The following KMT2C variants were observed in gnomAD, a reference collection of about 807,000 sequenced individuals.
The protein encoded by KMT2C is lysine methyltransferase 2C.
In KMT2C, 88 loss-of-function variants were observed where a neutral mutation model predicts 507.9. The observed-to-expected ratio is 0.17, with a 90% CI of 0.15 to 0.21. KMT2C has a LOEUF of 0.21. Among genes scored for constraint, KMT2C ranks in the 10% least tolerant of loss-of-function variants. The pLI, the probability that KMT2C is intolerant of heterozygous loss-of-function variation, is 1.00. For synonymous variants in KMT2C, 2,049 were observed against 2,080.8 expected (o/e 0.98, Z 0.42); for missense variants, 4,954 against 5,957.8 (o/e 0.83, Z 5.55).
intron 42 of KMT2C, 47 bp from the exon 43 acceptor site, chr7:152,163,873 A>G (rs1385079259): frequency 6.4e-7 from 1 of 1,560,570 alleles, no homozygotes; most frequent in Non-Finnish European, 8.8e-7. Flanking sequence ...CAGCATAGGT[A>G]CTGAAGTAAA....
chr7:152,239,934 C>T (rs1231038140), intron 14 of KMT2C, among the ~76,000 whole-genome samples: 1 of 149,030 alleles, frequency 6.7e-6, no homozygotes, highest in Non-Finnish European at 1.5e-5. Flanking sequence ...AAGAATGTGA[C>T]TACTCTTGGG....
At chr7:152,410,873 A>C in intron 1 of KMT2C, among the ~76,000 whole-genome samples, 1 of 151,774 alleles carries the variant, frequency 6.6e-6, no homozygotes, top group Non-Finnish European at 1.5e-5. Flanking sequence ...TGGTGATGGC[A>C]CATCCCCACG....
intron 43 of KMT2C, among the ~76,000 whole-genome samples, chr7:152,160,262 G>C (rs1021923524): frequency 1.3e-5 from 2 of 152,116 alleles, no homozygotes; most frequent in African/African-American, 4.8e-5. Flanking sequence ...TAGTTCTGTG[G>C]CTCTCAAGGG....
At chr7:152,339,689 T>C (rs2096972281) in intron 2 of KMT2C, among the ~76,000 whole-genome samples, 1 of 152,138 alleles carries the variant, frequency 6.6e-6, no homozygotes, top group Non-Finnish European at 1.5e-5. Flanking sequence ...TATGTGCCAT[T>C]CACAGGAGAC....
chr7:152,314,793 CTGTTT>C (rs1402916180), intron 4 of KMT2C, among the ~76,000 whole-genome samples: 1 of 152,108 alleles, frequency 6.6e-6, no homozygotes, highest in Admixed American at 6.6e-5. Flanking sequence ...CTTTATTGAT[CTGTTT>C]TATTATTACA....
intron 43 of KMT2C, among the ~76,000 whole-genome samples, chr7:152,161,461 G>A (rs2092450882): frequency 1.3e-5 from 2 of 152,078 alleles, no homozygotes; most frequent in Non-Finnish European, 2.9e-5. Context: ...CAATTCCCAT[G>A]ACTCAAACTC....
intron 2 of KMT2C, among the ~76,000 whole-genome samples, chr7:152,352,339 CAATTTT>C (rs1212107027): frequency 6.6e-6 from 1 of 152,166 alleles, no homozygotes; most frequent in African/African-American, 2.4e-5. Flanking sequence ...ACTTCATTAC[CAATTTT>C]AATTTCGCCC....
intron 1 of KMT2C, among the ~76,000 whole-genome samples, chr7:152,388,750 C>CTT (rs35457701): frequency 0.012 from 1,795 of 148,062 alleles, 1 homozygote; most frequent in Non-Finnish European, 0.016. Context: ...ACTACTTAGA[C>CTT]TTTTTTTTTT....
At position 152,194,258 on chromosome 7, in the gene KMT2C, G is replaced by T. The variant is rs2129129088; in HGVS notation, c.4511C>A (p.Ala1504Glu). Residue 1504 changes from alanine to glutamate, a missense_variant, in exon 30 of 59, where the codon GCA (alanine) becomes GAA (glutamate). Around this residue, in one of 29 missense-constraint regions of KMT2C, gnomAD observed 195 missense variants for 183.7 expected, o/e 1.06. Coordinates refer to ENST00000262189, the MANE Select transcript of KMT2C (RefSeq NM_170606.3). ...PELDKMVTDG[A>E]ILGKLYKIPE... ...AATTTTATATAATTTTCCAAGAATT[G>T]CTCCTAGAATAAATTAAAAAAAAAA... 6.7e-7 allele frequency: 1 copy of T among 1,484,332 alleles called. No homozygotes were observed. The highest frequency in any genetic ancestry group is 9.2e-7 in the Non-Finnish European group (1 of 1,091,014). The allele number at this position is 1,484,332 out of a possible 1,614,324, so 91.9% of individuals were successfully genotyped here.
chr7:152,430,192 A>G (rs1392237414), intron 1 of KMT2C, among the ~76,000 whole-genome samples: 1 of 152,046 alleles, frequency 6.6e-6, no homozygotes, highest in Admixed American at 6.6e-5. Context: ...AAGAAAAAAA[A>G]AAAAAAACAG....
chr7:152,195,878 GA>G (rs2129130767), intron 28 of KMT2C, 28 bp downstream of exon 28: 8 of 1,311,024 alleles, frequency 6.1e-6, no homozygotes, highest in Admixed American at 1.9e-5. Context: ...TCAGAAACCA[GA>G]AAAAGGGTAA....
At chr7:152,225,038 C>T (rs1442027513) in intron 18 of KMT2C, among the ~76,000 whole-genome samples, 1 of 152,110 alleles carries the variant, frequency 6.6e-6, no homozygotes, top group Admixed American at 6.5e-5. Context: ...TAATGTAAGG[C>T]ATGAGTTCTT....
At chr7:152,137,749 A>G (rs1186819786) in intron 58 of KMT2C, 1 of 152,134 alleles carries the variant, frequency 6.6e-6, no homozygotes, top group Non-Finnish European at 1.5e-5. Flanking sequence ...ATATTAAACT[A>G]TTTACTCAAG....
intron 34 of KMT2C, among the ~76,000 whole-genome samples, chr7:152,184,741 A>C (rs1482519872): frequency 3.3e-5 from 5 of 152,188 alleles, no homozygotes. Context: ...CAGTATTTGC[A>C]TATAACCTAC....
intron 36 of KMT2C, 45 bp from the exon 37 acceptor site, chr7:152,180,171 T>C: frequency 6.2e-7 from 1 of 1,601,804 alleles, no homozygotes; most frequent in Non-Finnish European, 8.5e-7. Flanking sequence ...TGGTAATTAA[T>C]GGCTTTTTAA....
chr7:152,433,255 G>A (rs1186037289), intron 1 of KMT2C, among the ~76,000 whole-genome samples: 1 of 152,076 alleles, frequency 6.6e-6, no homozygotes, highest in Non-Finnish European at 1.5e-5. Context: ...TAGCAAAGAA[G>A]ATTAATTTTC....
chr7:152,323,819 G>A (rs1048322248), intron 3 of KMT2C, among the ~76,000 whole-genome samples: 8 of 146,296 alleles, frequency 5.5e-5, no homozygotes, highest in African/African-American at 2.0e-4. Flanking sequence ...GGAGGGGAAG[G>A]GGATTAAGGA....
chr7:152,226,219 CTTTTTTTTTTTT>C (rs869076803), intron 18 of KMT2C, among the ~76,000 whole-genome samples: 31 of 94,948 alleles, frequency 3.3e-4, no homozygotes, highest in South Asian at 1.5e-3. Context: ...ATTACAAGGC[CTTTTTTTTTTTT>C]TTTTTTTTTT....
intron 6 of KMT2C, among the ~76,000 whole-genome samples, chr7:152,290,250 G>GTA (rs2096391075): frequency 2.7e-5 from 2 of 73,538 alleles, no homozygotes; most frequent in African/African-American, 6.7e-5. Context: ...GTGTGTGTGT[G>GTA]TGTATGTGTA....
Sources: gnomAD v4.1 joint callset for allele counts (sites outside exome capture counted in the v4.1 genomes callset) on GRCh38, gnomAD v4.1.1 for gene constraint, gnomAD v4.1.1 regional missense constraint, MANE v1.5 for transcripts, NCBI Gene and HGNC (gene_info 2026-07-23, HGNC 2026-07-21) for gene names.